Variants in DAB1 observed in about 807,000 individuals in gnomAD.
DAB1 encodes the protein DAB adaptor protein 1, also known as disabled homolog 1.
DAB1 carries 15 observed loss-of-function variants against 64.6 expected under a neutral mutation model. That is an observed-to-expected ratio of 0.23 (90% CI 0.16 to 0.36). The LOEUF (loss-of-function observed/expected upper bound fraction) is 0.36. DAB1 is among the 10% of genes least tolerant of loss of function. The pLI, the probability that DAB1 is intolerant of heterozygous loss-of-function variation, is 1.00. For synonymous variants in DAB1, 235 were observed against 251.9 expected (o/e 0.93, Z 0.64); for missense variants, 596 against 706.7 (o/e 0.84, Z 1.78).
At chr1:58,417,696 G>A (rs1262159894) in intron 3 of DAB1, among the ~76,000 whole-genome samples, 1 of 152,128 alleles carries the variant, frequency 6.6e-6, no homozygotes, top group Non-Finnish European at 1.5e-5. Flanking sequence ...GCTGCTAGGT[G>A]GAAAAAATAG....
intron 4 of DAB1, among the ~76,000 whole-genome samples, chr1:58,303,192 G>A (rs1662213963): frequency 6.6e-6 from 1 of 152,086 alleles, no homozygotes. Flanking sequence ...CTCCATCCTG[G>A]GTTCCAGTTC....
chr1:58,289,903 A>G (rs1455890136), intron 4 of DAB1, among the ~76,000 whole-genome samples: 3 of 152,248 alleles, frequency 2.0e-5, no homozygotes, highest in Admixed American at 2.0e-4. Flanking sequence ...AGTATTTGGC[A>G]TTAGCAAATA....
chr1:57,570,271 C>T (rs1645178655), intron 7 of DAB1, among the ~76,000 whole-genome samples: 1 of 152,100 alleles, frequency 6.6e-6, no homozygotes, highest in African/African-American at 2.4e-5. Context: ...ATGCTTCCTG[C>T]CCTGGAATAT....
intron 4 of DAB1, among the ~76,000 whole-genome samples, chr1:58,220,382 T>C (rs367783193): frequency 1.3e-5 from 2 of 152,162 alleles, no homozygotes; most frequent in Non-Finnish European, 2.9e-5. Flanking sequence ...AACATGACCA[T>C]GGCCATGAAA....
At chr1:58,482,882 T>C (rs1308581257) in intron 3 of DAB1, among the ~76,000 whole-genome samples, 1 of 152,076 alleles carries the variant, frequency 6.6e-6, no homozygotes, top group Non-Finnish European at 1.5e-5. Context: ...TCACAGGTCA[T>C]GCTAAGGATT....
chr1:57,396,663 G>T (rs779963419), intron 1 of DAB1, among the ~76,000 whole-genome samples: 3 of 152,144 alleles, frequency 2.0e-5, no homozygotes, highest in Non-Finnish European at 4.4e-5. Context: ...TTAATAGCTA[G>T]CCATGTGACC....
chr1:57,295,823 T>A (rs1351499865), intron 1 of DAB1, among the ~76,000 whole-genome samples: 1 of 152,152 alleles, frequency 6.6e-6, no homozygotes, highest in African/African-American at 2.4e-5. Flanking sequence ...ATTAATGTTC[T>A]ACATATCTGA....
chr1:58,543,522 T>G (rs924817001), intron 1 of DAB1, among the ~76,000 whole-genome samples: 3 of 152,072 alleles, frequency 2.0e-5, no homozygotes, highest in Non-Finnish European at 4.4e-5. Flanking sequence ...CCACCTAATC[T>G]CCCTGCCTTA....
intron 1 of DAB1, among the ~76,000 whole-genome samples, chr1:57,305,632 T>C (rs956900247): frequency 2.7e-4 from 41 of 152,142 alleles, no homozygotes; most frequent in African/African-American, 9.2e-4. Context: ...CATGCTTCTA[T>C]GTCTCCTGTA....
At position 57,999,827 on chromosome 1, in the gene DAB1, G is replaced by A. The variant is rs115116536; in HGVS notation, n.388-115665C>T. 8.6e-3 allele frequency among the ~76,000 whole-genome samples: 1,302 copies of A among 151,710 alleles called. 14 individuals are homozygous for A. Among genetic ancestry groups the A allele is most frequent in the African/African-American group, 0.03 (1,234 of 41,328 alleles). On this transcript the variant is annotated intron_variant and non_coding_transcript_variant, in intron 5 of 20. Coordinates refer to the DAB1 transcript ENST00000485760. ...GGGATGAGGGAGGAAGAGAGGGAGA[G>A]AGAGAAACAGAGAAAGACAAAAGAG...
intron 7 of DAB1, among the ~76,000 whole-genome samples, chr1:57,430,610 C>A (rs977811334): frequency 2.0e-5 from 3 of 152,120 alleles, no homozygotes; most frequent in Admixed American, 2.0e-4. Flanking sequence ...ATCTCCTGAC[C>A]TCGTGATCCG....
intron 5 of DAB1, among the ~76,000 whole-genome samples, chr1:58,093,118 T>A (rs1473641982): frequency 6.6e-6 from 1 of 152,154 alleles, no homozygotes; most frequent in Non-Finnish European, 1.5e-5. Context: ...CTACCCTTTT[T>A]CGACTGATGA....
chr1:57,807,706 C>A (rs1056038284), intron 6 of DAB1, among the ~76,000 whole-genome samples: 12 of 152,018 alleles, frequency 7.9e-5, no homozygotes, highest in African/African-American at 2.9e-4. Flanking sequence ...ATAAAAGTTA[C>A]ACTGAGTGTG....
intron 1 of DAB1, among the ~76,000 whole-genome samples, chr1:58,544,632 T>G (rs1191794754): frequency 6.6e-6 from 1 of 152,218 alleles, no homozygotes; most frequent in Non-Finnish European, 1.5e-5. Flanking sequence ...CACTTTGTCG[T>G]TGTCCAGGCT....
chr1:58,537,440 A>C (rs6698355), intron 1 of DAB1, among the ~76,000 whole-genome samples: 1 of 152,096 alleles, frequency 6.6e-6, no homozygotes, highest in Non-Finnish European at 1.5e-5. Context: ...CCTCTTTACA[A>C]CGTGAAAAAG....
chr1:58,107,967 A>G (rs1387848674), intron 5 of DAB1, among the ~76,000 whole-genome samples: 1 of 152,154 alleles, frequency 6.6e-6, no homozygotes, highest in Non-Finnish European at 1.5e-5. Flanking sequence ...ACCTGGGAGG[A>G]AAATGAATGG....
At chr1:57,178,592 T>C (rs1662583135) in intron 2 of DAB1, among the ~76,000 whole-genome samples, 1 of 152,102 alleles carries the variant, frequency 6.6e-6, no homozygotes, top group South Asian at 2.1e-4. Flanking sequence ...AGCAAGGAAG[T>C]ATTATGAAAG....
At chr1:58,031,452 C>T (rs1179268245) in intron 5 of DAB1, among the ~76,000 whole-genome samples, 3 of 152,234 alleles carry the variant, frequency 2.0e-5, no homozygotes, top group African/African-American at 7.2e-5. Flanking sequence ...GAGGCAGGAC[C>T]TGAAATAAGA....
At chr1:57,509,929 C>A (rs761374877) in intron 7 of DAB1, among the ~76,000 whole-genome samples, 1 of 152,166 alleles carries the variant, frequency 6.6e-6, no homozygotes, top group African/African-American at 2.4e-5. Context: ...TGCAACTTTT[C>A]GGGCAAATTT....
Sources: gnomAD v4.1 joint callset for allele counts (sites outside exome capture counted in the v4.1 genomes callset) on GRCh38, gnomAD v4.1.1 for gene constraint, MANE v1.5 for transcripts, NCBI Gene and HGNC (gene_info 2026-07-23, HGNC 2026-07-21) for gene names.